The following RALYL variants were observed in gnomAD, a reference collection of about 807,000 sequenced individuals.
RALYL encodes RALY RNA binding protein like, also known as RNA-binding Raly-like protein.
A neutral mutation model predicts 35.1 loss-of-function variants in RALYL; 29 were observed. The ratio of observed to expected loss-of-function variants is 0.83; its 90% CI spans 0.61 to 1.13. RALYL has a LOEUF of 1.13. Ranked by LOEUF, RALYL falls within the 50% of genes most tolerant of loss-of-function variation. The pLI, the probability that RALYL is intolerant of heterozygous loss-of-function variation, is 0.00. For synonymous variants in RALYL, 120 were observed against 127.6 expected (o/e 0.94, Z 0.40); for missense variants, 359 against 360.4 (o/e 1.00, Z 0.03).
chr8:84,638,744 G>A (rs1039801905), intron 2 of RALYL, among the ~76,000 whole-genome samples: 12 of 150,804 alleles, frequency 8.0e-5, no homozygotes, highest in Non-Finnish European at 1.2e-4. Flanking sequence ...GTTAAACAAT[G>A]AGCAGAATAC....
intron 4 of RALYL, among the ~76,000 whole-genome samples, chr8:84,821,355 C>G (rs1828483235): frequency 6.6e-6 from 1 of 152,112 alleles, no homozygotes. Flanking sequence ...ATATTGGTAG[C>G]CATTTTGGAA....
chr8:84,569,489 C>G (rs923275611), intron 2 of RALYL, among the ~76,000 whole-genome samples: 1 of 151,464 alleles, frequency 6.6e-6, no homozygotes, highest in Non-Finnish European at 1.5e-5. Flanking sequence ...ATTATTAGTC[C>G]TTTGTTGGAG....
At chr8:84,875,067 A>T (rs1840879653) in intron 7 of RALYL, among the ~76,000 whole-genome samples, 1 of 152,214 alleles carries the variant, frequency 6.6e-6, no homozygotes, top group South Asian at 2.1e-4. Context: ...TTTCCAATTC[A>T]GAAAGGCATA....
At chr8:84,485,671 C>T (rs1046196178) in intron 1 of RALYL, among the ~76,000 whole-genome samples, 1 of 152,142 alleles carries the variant, frequency 6.6e-6, no homozygotes, top group Non-Finnish European at 1.5e-5. Context: ...AATTCCATTT[C>T]AGTTATTCAG....
intron 2 of RALYL, among the ~76,000 whole-genome samples, chr8:84,597,093 C>T (rs913515121): frequency 6.6e-6 from 1 of 152,088 alleles, no homozygotes; most frequent in Admixed American, 6.6e-5. Context: ...TAAAATAATG[C>T]AAGTCATCTG....
At chr8:84,730,640 T>C (rs1845989912) in intron 2 of RALYL, among the ~76,000 whole-genome samples, 1 of 148,318 alleles carries the variant, frequency 6.7e-6, no homozygotes, top group Non-Finnish European at 1.5e-5. Flanking sequence ...AAGACCCCAT[T>C]GTCTCAGCCC....
In RALYL at chr8:84,472,984, A is replaced by T. The variant is rs1457342257; in HGVS notation, c.-23-56315A>T. On this transcript the variant is annotated intron_variant, in intron 1 of 8. Transcript: ENST00000521268. ...AAAATTCTTAACCTTGCTGAGCCTC[A>T]GCTTTAGTACTCTGTCACTCAAAAG... Among the ~76,000 whole-genome samples, 3 of 152,252 alleles carry T rather than the reference A, an allele frequency of 2.0e-5. No homozygotes were observed. The East Asian group carries it at 5.8e-4, about 29-fold the overall frequency.
chr8:84,190,163 C>G (rs142985862), intron 1 of RALYL, among the ~76,000 whole-genome samples: 1 of 152,294 alleles, frequency 6.6e-6, no homozygotes, highest in East Asian at 1.9e-4. Context: ...GAAAGCTGAA[C>G]AGCTAATTCT....
At chr8:84,342,624 T>C (rs1849076535) in intron 1 of RALYL, among the ~76,000 whole-genome samples, 1 of 151,958 alleles carries the variant, frequency 6.6e-6, no homozygotes, top group Admixed American at 6.6e-5. Flanking sequence ...CTAGGCTTCA[T>C]ATGCCAATTA....
intron 4 of RALYL, among the ~76,000 whole-genome samples, chr8:84,848,357 C>T (rs1835082621): frequency 6.6e-6 from 1 of 150,832 alleles, no homozygotes; most frequent in Admixed American, 6.6e-5. Flanking sequence ...TAATAATATT[C>T]TATTGGAGTA....
At chr8:84,227,695 CCT>C (rs1192375581) in intron 1 of RALYL, among the ~76,000 whole-genome samples, 9 of 152,082 alleles carry the variant, frequency 5.9e-5, no homozygotes, top group Admixed American at 2.0e-4. Context: ...CACAATCTCC[CCT>C]GACTCCCCTG....
intron 1 of RALYL, among the ~76,000 whole-genome samples, chr8:84,257,979 A>C (rs1237034482): frequency 6.6e-6 from 1 of 152,182 alleles, no homozygotes; most frequent in Non-Finnish European, 1.5e-5. Flanking sequence ...AAATAGAAAT[A>C]AAAAAGGAGT....
At position 84,426,471 on chromosome 8, in the gene RALYL, T is replaced by G. The variant is rs1213149510; in HGVS notation, c.-23-102828T>G. ...GTGTGTGTGTGTGTGTGTGTGTGTG[T>G]GTGGGTTTAGATTTCACATATAAGT... On this transcript the variant is annotated intron_variant, in intron 1 of 8. Transcript: ENST00000521268. Among the ~76,000 whole-genome samples, 40 of 147,708 alleles carry G rather than the reference T, an allele frequency of 2.7e-4. No individual in the cohort carries two copies. In the South Asian group the frequency reaches 2.8e-3, roughly 10 times the overall value.
intron 1 of RALYL, among the ~76,000 whole-genome samples, chr8:84,219,863 A>G (rs1023700045): frequency 1.2e-4 from 7 of 56,646 alleles, no homozygotes; most frequent in African/African-American, 3.0e-4. Flanking sequence ...CAGAAGACGT[A>G]TAGATAGATA....
intron 1 of RALYL, among the ~76,000 whole-genome samples, chr8:84,378,143 T>C (rs1283911024): frequency 1.3e-5 from 2 of 151,918 alleles, no homozygotes; most frequent in African/African-American, 2.4e-5. Context: ...CTTAATTGTT[T>C]TACCTTCAAG....
chr8:84,531,809 A>C (rs1416912323), intron 2 of RALYL, among the ~76,000 whole-genome samples: 1 of 152,074 alleles, frequency 6.6e-6, no homozygotes, highest in Admixed American at 6.6e-5. Context: ...ATCACTACTC[A>C]GTTGATTGCT....
chr8:84,567,411 G>C (rs1403317210), intron 2 of RALYL, among the ~76,000 whole-genome samples: 4 of 151,652 alleles, frequency 2.6e-5, no homozygotes, highest in Admixed American at 6.6e-5. Flanking sequence ...TTATCTGTAT[G>C]TCCATGTGTG....
chr8:84,671,816 A>G (rs939885206), intron 2 of RALYL, among the ~76,000 whole-genome samples: 9 of 152,168 alleles, frequency 5.9e-5, no homozygotes, highest in Non-Finnish European at 1.0e-4. Context: ...AAGGTCTTTG[A>G]CATGCCCTGG....
chr8:84,575,981 A>G (rs1259934868), intron 2 of RALYL, among the ~76,000 whole-genome samples: 2 of 151,832 alleles, frequency 1.3e-5, no homozygotes, highest in Non-Finnish European at 2.9e-5. Flanking sequence ...AAAAAAAGGA[A>G]TGACAATATT....
Sources: gnomAD v4.1 joint callset for allele counts (sites outside exome capture counted in the v4.1 genomes callset) on GRCh38, gnomAD v4.1.1 for gene constraint, MANE v1.5 for transcripts, NCBI Gene and HGNC (gene_info 2026-07-23, HGNC 2026-07-21) for gene names.